Variants in FBXW4 observed in about 807,000 individuals in gnomAD.
FBXW4 encodes F-box and WD repeat domain containing 4.
FBXW4 carries 40 observed loss-of-function variants against 61.8 expected under a neutral mutation model. That is an observed-to-expected ratio of 0.65 (90% CI 0.50 to 0.84). The LOEUF (loss-of-function observed/expected upper bound fraction) is 0.84. Among genes scored for constraint, FBXW4 ranks in the 40% least tolerant of loss-of-function variants. The pLI is 0.00. For synonymous variants in FBXW4, 311 were observed against 313.8 expected (o/e 0.99, Z 0.10); for missense variants, 672 against 753.8 (o/e 0.89, Z 1.27).
rs2064322292 is a variant in FBXW4, at chr10:101,667,952, C to T, written c.1169G>A (p.Gly390Glu). The T allele has an allele frequency of 1.2e-6, 2 of 1,614,054 alleles. No individual in the cohort carries two copies. Among genetic ancestry groups the T allele is most frequent in the Middle Eastern group, 1.6e-4 (1 of 6,084 alleles). The change falls in exon 5 of 9, where the codon GGG becomes GAG. Residue 390 changes from glycine to glutamate, a missense_variant. Gly to Glu is a moderately conservative substitution (Grantham distance 98). Transcript: ENST00000331272. ...AGTCTGGATGGTGTGTAAGCACTGC[C>T]CCAGCCGGCCTGAGGCCAAAGGCCA... ...KVWPLASGRL[G>E]QCLHTIQTED...
At chr10:101,674,259 G>A (rs1004077811) in intron 2 of FBXW4, among the ~76,000 whole-genome samples, 4 of 151,808 alleles carry the variant, frequency 2.6e-5, no homozygotes, top group African/African-American at 9.7e-5. Flanking sequence ...AACCTGGGAG[G>A]CGGAGGTTGC....
chr10:101,673,107 A>C, intron 3 of FBXW4, 60 bp from the exon 4 acceptor site: 1 of 1,579,074 alleles, frequency 6.3e-7, no homozygotes, highest in Non-Finnish European at 8.6e-7. Context: ...TAGAAAGAGA[A>C]CAACTCTCCA....
chr10:101,694,901 C>A lies in FBXW4; in HGVS notation c.205G>T (p.Ala69Ser). 1 of 1,238,536 alleles carries A rather than the reference C, an allele frequency of 8.1e-7. No homozygotes were observed. Among genetic ancestry groups the A allele is most frequent in the South Asian group, 3.6e-5 (1 of 27,554 alleles). 76.7% of individuals were successfully genotyped at this position (1,238,536 alleles called of 1,614,324 possible). ...KPGPQTAKEA[A>S]GPGADAGARA... is the part of the protein sequence containing the mutation. Reference sequence around the variant, plus strand: ...GCTCCCGCGTCAGCCCCCGGCCCGGCTGCCTCCTTCGCCGTCTGCGGCCCG... The same window carrying A: ...GCTCCCGCGTCAGCCCCCGGCCCGGATGCCTCCTTCGCCGTCTGCGGCCCG... Residue 69 changes from alanine (A) to serine (S), a missense_variant, in exon 1 of 9, where the codon GCC becomes TCC. Around this residue, in one of 5 missense-constraint regions of FBXW4, gnomAD observed 311 missense variants for 301.1 expected, o/e 1.03. Coordinates refer to ENST00000331272, the MANE Select transcript of FBXW4 (RefSeq NM_022039.4). This position sits in a 1 kb window ranked among gnomAD's most constrained non-coding sequence, Gnocchi z 6.0.
intron 5 of FBXW4, among the ~76,000 whole-genome samples, chr10:101,656,434 C>A (rs773230070): frequency 6.6e-6 from 1 of 152,220 alleles, no homozygotes; most frequent in African/African-American, 2.4e-5. Flanking sequence ...CAAGCCTACC[C>A]GCTGATCTTA....
intron 7 of FBXW4, 128 bp downstream of exon 7, chr10:101,612,209 G>T: frequency 8.8e-7 from 1 of 1,131,886 alleles, no homozygotes; most frequent in Non-Finnish European, 1.1e-6. Context: ...TGACCTTGCA[G>T]GCCTCTTCCT....
At chr10:101,615,831 C>T (rs1403938925) in intron 6 of FBXW4, among the ~76,000 whole-genome samples, 2 of 152,166 alleles carry the variant, frequency 1.3e-5, no homozygotes, top group African/African-American at 4.8e-5. Flanking sequence ...AGGGGGCAGT[C>T]CCTGGCACCC....
chr10:101,673,101 A>C (rs1353935629), intron 3 of FBXW4, 54 bp from the exon 4 acceptor site: 1 of 1,588,020 alleles, frequency 6.3e-7, no homozygotes, highest in Non-Finnish European at 8.5e-7. Flanking sequence ...TTTCTGTAGA[A>C]AGAGAACAAC....
chr10:101,667,583 T>G (rs2064317364), intron 5 of FBXW4, among the ~76,000 whole-genome samples: 1 of 152,230 alleles, frequency 6.6e-6, no homozygotes. Flanking sequence ...AGAGGACAAC[T>G]GTTCCAGAAG....
chr10:101,643,482 C>T (rs1371089876), intron 5 of FBXW4, among the ~76,000 whole-genome samples: 4 of 152,224 alleles, frequency 2.6e-5, no homozygotes, highest in Non-Finnish European at 5.9e-5. Context: ...GCGTTTGCTC[C>T]CTTCGGTAAG....
intron 1 of FBXW4, among the ~76,000 whole-genome samples, chr10:101,684,178 C>T (rs993845579): frequency 1.3e-5 from 2 of 152,144 alleles, no homozygotes; most frequent in Non-Finnish European, 2.9e-5. Flanking sequence ...GGCTGGAGTG[C>T]AATGGCACAA....
chr10:101,650,517 C>G (rs919659831), intron 5 of FBXW4, among the ~76,000 whole-genome samples: 2 of 152,194 alleles, frequency 1.3e-5, no homozygotes, highest in African/African-American at 4.8e-5. Flanking sequence ...GGGGGTTTAA[C>G]TCACTTCAAG....
chr10:101,666,153 G>GCTCCCACACACTTAGCCTCTCCA (rs1343698790), intron 5 of FBXW4, among the ~76,000 whole-genome samples: 4 of 152,086 alleles, frequency 2.6e-5, no homozygotes, highest in Admixed American at 6.5e-5. Flanking sequence ...TCCACTCTCC[G>GCTCCCACACACTTAGCCTCTCCA]CTCCCACACA....
chr10:101,611,820 T>C lies in FBXW4; in HGVS notation c.1443-51A>G. The C allele has an allele frequency of 6.3e-7, 1 of 1,579,704 alleles. No homozygotes were observed. The highest frequency in any genetic ancestry group is 1.3e-5 in the African/African-American group (1 of 74,488). On this transcript the variant is annotated intron_variant, in intron 7 of 8. Coordinates refer to ENST00000331272, the MANE Select transcript of FBXW4 (RefSeq NM_022039.4). This position sits in a 1 kb window ranked among gnomAD's most constrained non-coding sequence, Gnocchi z 4.9. ...GGAGGTTTAGGGTACCCTCCACCTC[T>C]ACCCCAGCTTTCTTGGGCCTAGAGT...
chr10:101,657,071 C>T (rs1474463398), intron 5 of FBXW4, among the ~76,000 whole-genome samples: 5 of 152,166 alleles, frequency 3.3e-5, no homozygotes, highest in Admixed American at 3.3e-4. Flanking sequence ...ATAGTCACTT[C>T]CCTCCTCCCT....
chr10:101,681,759 A>ATAATAG (rs2064480783), intron 1 of FBXW4, among the ~76,000 whole-genome samples: 1 of 147,954 alleles, frequency 6.8e-6, no homozygotes, highest in Non-Finnish European at 1.5e-5. Context: ...AATAATAATA[A>ATAATAG]CAGGTCTAAA....
chr10:101,660,092 G>T, intron 5 of FBXW4: 1 of 985,416 alleles, frequency 1.0e-6, no homozygotes, highest in Non-Finnish European at 1.2e-6. Flanking sequence ...GGGCGGGAGG[G>T]GTCGGAGTCA....
At chr10:101,679,271 T>G (rs957679467) in intron 1 of FBXW4, among the ~76,000 whole-genome samples, 1 of 152,238 alleles carries the variant, frequency 6.6e-6, no homozygotes, top group Non-Finnish European at 1.5e-5. Context: ...ATTCCAATTG[T>G]AATTTATTTA....
chr10:101,691,860 C>G (rs2134926841), intron 1 of FBXW4, among the ~76,000 whole-genome samples: 1 of 152,222 alleles, frequency 6.6e-6, no homozygotes, highest in South Asian at 2.1e-4. Context: ...GAACCATTAT[C>G]ATGAATACAA....
intron 5 of FBXW4, among the ~76,000 whole-genome samples, chr10:101,628,626 T>C (rs1589746612): frequency 6.6e-6 from 1 of 152,208 alleles, no homozygotes; most frequent in South Asian, 2.1e-4. Flanking sequence ...AATTCCCAAA[T>C]ACCAAAGGCT....
Sources: allele counts gnomAD v4.1 joint callset (sites outside exome capture counted in the v4.1 genomes callset), GRCh38; gene constraint gnomAD v4.1.1; regional missense constraint gnomAD v4.1.1; non-coding constraint Gnocchi (gnomAD v3.1); transcripts MANE v1.5; gene names NCBI Gene and HGNC (gene_info 2026-07-23, HGNC 2026-07-21).